The following FGF13 variants were observed in gnomAD, a reference collection of about 807,000 sequenced individuals.
The protein encoded by FGF13 is fibroblast growth factor 13.
Under a neutral mutation model 19.5 loss-of-function variants are expected in FGF13, and 2 were observed. The observed-to-expected ratio is 0.10, with a 90% CI of 0.04 to 0.32. FGF13 has a LOEUF of 0.32. FGF13 is among the 10% of genes least tolerant of loss of function. The pLI, the probability that FGF13 is intolerant of heterozygous loss-of-function variation, is 1.00. For missense variants in FGF13, 113 were observed against 192.7 expected, an observed-to-expected ratio of 0.59 and a Z score of 2.45; for synonymous variants, 72 against 76.9, an observed-to-expected ratio of 0.94 and a Z score of 0.33.
At chrX:138,842,129 C>G (rs938782784) in intron 3 of FGF13, among the ~76,000 whole-genome samples, 2 of 112,225 alleles carry the variant, frequency 1.8e-5, no homozygotes, top group Non-Finnish European at 3.8e-5. Flanking sequence ...TCTAAAAGGA[C>G]AGCAATGAAA....
intron 3 of FGF13, among the ~76,000 whole-genome samples, chrX:138,646,564 T>C (rs1305216110): frequency 8.9e-6 from 1 of 111,774 alleles, no homozygotes; most frequent in Non-Finnish European, 1.9e-5. Context: ...ATTTATCTTA[T>C]ATAAATCTGT....
intron 3 of FGF13, among the ~76,000 whole-genome samples, chrX:138,747,844 A>G (rs1182663748): frequency 9.0e-6 from 1 of 111,495 alleles, no homozygotes; most frequent in Non-Finnish European, 1.9e-5. Context: ...TCTTCTAGGC[A>G]AGGGTTCTTT....
intron 1 of FGF13, among the ~76,000 whole-genome samples, chrX:138,720,021 G>C (rs2090136547): frequency 1.8e-5 from 2 of 112,665 alleles, no homozygotes; most frequent in African/African-American, 6.4e-5. Flanking sequence ...AACATTTACT[G>C]ATAACTGTTT....
chrX:138,834,349 A>G (rs2091095893), intron 3 of FGF13, among the ~76,000 whole-genome samples: 1 of 111,036 alleles, frequency 9.0e-6, no homozygotes, highest in Admixed American at 9.6e-5. Context: ...CTGTTAAGGG[A>G]TTCAGTTTCT....
At chrX:139,203,682 A>G (rs1203630880), upstream of FGF13, among the ~76,000 whole-genome samples, 1 of 111,517 alleles carries the variant, frequency 9.0e-6, no homozygotes, top group Non-Finnish European at 1.9e-5. Context: ...CAGCACACAT[A>G]TGCACACTCG....
intron 3 of FGF13, among the ~76,000 whole-genome samples, chrX:138,681,651 C>T (rs886645829): frequency 1.8e-5 from 2 of 112,183 alleles, no homozygotes; most frequent in African/African-American, 3.2e-5. Context: ...TTTGACATGC[C>T]CTTCCTGCTA....
At chrX:139,092,943 C>T (rs1296744745) in intron 1 of FGF13, among the ~76,000 whole-genome samples, 1 of 111,980 alleles carries the variant, frequency 8.9e-6, no homozygotes, top group African/African-American at 3.3e-5. Flanking sequence ...CATCTCTGTA[C>T]CAACAGAACA....
chrX:139,084,228 G>C (rs994109365), intron 1 of FGF13, among the ~76,000 whole-genome samples: 1 of 110,911 alleles, frequency 9.0e-6, no homozygotes, highest in Non-Finnish European at 1.9e-5. Context: ...AGAAGGAGTG[G>C]AGAAGGTAGA....
chrX:138,965,414 G>A (rs191902254), intron 1 of FGF13, among the ~76,000 whole-genome samples: 25 of 112,310 alleles, frequency 2.2e-4, no homozygotes, highest in Non-Finnish European at 3.9e-4. Flanking sequence ...CTTGAAAAAT[G>A]TTTGCTAAAT....
At chrX:139,001,511 GA>G (rs768534924) in intron 1 of FGF13, among the ~76,000 whole-genome samples, 3 of 107,172 alleles carry the variant, frequency 2.8e-5, no homozygotes, top group East Asian at 3.0e-4. Context: ...ACAACCCCTT[GA>G]AAAAAAAATG....
At chrX:139,149,413 T>A (rs1280474836) in intron 1 of FGF13, among the ~76,000 whole-genome samples, 1 of 112,434 alleles carries the variant, frequency 8.9e-6, no homozygotes, top group Non-Finnish European at 1.9e-5. Context: ...GAACCTAATC[T>A]TCACATATGC....
intron 1 of FGF13, among the ~76,000 whole-genome samples, chrX:138,984,514 AGAAGAAGAG>A (rs1357717461): frequency 0.049 from 1,368 of 28,180 alleles, 251 homozygotes; most frequent in South Asian, 0.069. Context: ...AAGAAGAGGA[AGAAGAAGAG>A]GAAGAAGAAG....
At position 138,711,609 on chromosome X, in the gene FGF13, G is replaced by A. The variant is rs941512165; in HGVS notation, c.-606C>T. 3 of 753,997 alleles carry A rather than the reference G, an allele frequency of 4.0e-6. No individual in the cohort carries two copies. The East Asian group carries it at 4.6e-4, about 115-fold the overall frequency. 62.1% of individuals were successfully genotyped at this position (753,997 alleles called of 1,213,427 possible). On this transcript the variant is annotated 5_prime_UTR_variant, in exon 1 of 5. Coordinates refer to ENST00000315930, the MANE Select transcript of FGF13 (RefSeq NM_004114.5). Reference sequence around the variant, plus strand: ...TGGCCCGTGCCAGGTTTCCGACAGGGATCAAACAGGTAATGGCCTCGCATC... The same window carrying A: ...TGGCCCGTGCCAGGTTTCCGACAGGAATCAAACAGGTAATGGCCTCGCATC...
chrX:139,160,325 G>C (rs961693634), intron 1 of FGF13, among the ~76,000 whole-genome samples: 16 of 112,170 alleles, frequency 1.4e-4, no homozygotes, highest in African/African-American at 4.9e-4. Context: ...ACAATCTGTA[G>C]GACACAGCTA....
At position 138,711,443 on chromosome X, in the gene FGF13, G is replaced by A; in HGVS notation, c.-440C>T. On this transcript the variant is annotated 5_prime_UTR_variant, in exon 1 of 5. Coordinates refer to ENST00000315930, the MANE Select transcript of FGF13 (RefSeq NM_004114.5). ...AGGGAGGCGGGCGGAGGGAGTGAGC[G>A]CGGGCGGGAGAGAGGCCGGGAGCTC... 1.4e-6 allele frequency: 1 copy of A among 692,386 alleles called. No homozygotes were observed. Among genetic ancestry groups the A allele is most frequent in the Non-Finnish European group, 1.7e-6 (1 of 580,807 alleles). 57.1% of individuals were successfully genotyped at this position (692,386 alleles called of 1,213,427 possible).
chrX:138,807,561 T>A (rs1458849242), intron 3 of FGF13, among the ~76,000 whole-genome samples: 3 of 111,629 alleles, frequency 2.7e-5, no homozygotes, highest in Admixed American at 1.9e-4. Context: ...TCAGCTAACA[T>A]CATAATGACA....
At chrX:138,936,952 T>C (rs891565019) in intron 1 of FGF13, among the ~76,000 whole-genome samples, 1 of 111,825 alleles carries the variant, frequency 8.9e-6, no homozygotes, top group African/African-American at 3.3e-5. Context: ...TGAGTGTGAC[T>C]TTGGCTTTTT....
At chrX:139,087,868 T>C (rs1453726882) in intron 1 of FGF13, among the ~76,000 whole-genome samples, 1 of 112,192 alleles carries the variant, frequency 8.9e-6, no homozygotes, top group African/African-American at 3.2e-5. Context: ...AATTATACCT[T>C]ACTTGATCTT....
chrX:138,773,036 A>G (rs1202935715), intron 3 of FGF13, among the ~76,000 whole-genome samples: 1 of 96,323 alleles, frequency 1.0e-5, no homozygotes, highest in East Asian at 2.9e-4. Context: ...TATATTTAGT[A>G]AAAAAAAAAA....
Sources: gnomAD v4.1 joint callset for allele counts (sites outside exome capture counted in the v4.1 genomes callset) on GRCh38, gnomAD v4.1.1 for gene constraint, MANE v1.5 for transcripts, NCBI Gene and HGNC (gene_info 2026-07-23, HGNC 2026-07-21) for gene names.